The following EPHA6 variants were observed in gnomAD, a reference collection of about 807,000 sequenced individuals.
EPHA6 encodes the protein EPH receptor A6.
EPHA6 carries 50 observed loss-of-function variants against 112.0 expected under a neutral mutation model. That is an observed-to-expected ratio of 0.45 (90% CI 0.36 to 0.56). The LOEUF is 0.56. Ranked by LOEUF, EPHA6 falls within the 20% of genes least tolerant of loss-of-function variation. EPHA6 has a pLI of 0.00. For missense variants in EPHA6, 1,280 were observed against 1,417.4 expected, an observed-to-expected ratio of 0.90 and a Z score of 1.56; for synonymous variants, 529 against 490.7, an observed-to-expected ratio of 1.08 and a Z score of -1.03.
chr3:97,021,181 T>A (rs1179805878), intron 3 of EPHA6, among the ~76,000 whole-genome samples: 2 of 152,212 alleles, frequency 1.3e-5, no homozygotes, highest in Non-Finnish European at 2.9e-5. Flanking sequence ...TAGGTTAAAC[T>A]TGGACTGTAT....
intron 6 of EPHA6, among the ~76,000 whole-genome samples, chr3:97,430,369 G>A (rs2089431536): frequency 6.6e-6 from 1 of 151,962 alleles, no homozygotes; most frequent in Non-Finnish European, 1.5e-5. Flanking sequence ...AGTGATTTTA[G>A]GGGACTAAAA....
chr3:97,302,034 G>A (rs1305346059), intron 5 of EPHA6, among the ~76,000 whole-genome samples: 4 of 151,878 alleles, frequency 2.6e-5, no homozygotes, highest in Admixed American at 1.3e-4. Flanking sequence ...ACTTCTGTTT[G>A]CCAGTTAATG....
At chr3:97,190,384 G>T (rs2077269593) in intron 3 of EPHA6, among the ~76,000 whole-genome samples, 1 of 152,036 alleles carries the variant, frequency 6.6e-6, no homozygotes, top group Non-Finnish European at 1.5e-5. Context: ...TGAGAAGCTG[G>T]TGTAAAAGCA....
Position 97,168,281 on chromosome 3 carries a change from A to G in EPHA6, c.1115-57983A>G, listed in dbSNP as rs904645648. On this transcript the variant is annotated intron_variant, in intron 3 of 17. Transcript: ENST00000389672. ...TTCTAACTCTACAGTTATTTATTCT[A>G]TAACACTTTGATATGGTTTGGCTCT... Among the ~76,000 whole-genome samples, 7 of 152,260 alleles carry G rather than the reference A, an allele frequency of 4.6e-5. No homozygotes were observed. The East Asian group carries it at 7.7e-4, about 17-fold the overall frequency.
intron 1 of EPHA6, among the ~76,000 whole-genome samples, chr3:96,834,904 G>T (rs1420343008): frequency 6.6e-6 from 1 of 151,928 alleles, no homozygotes; most frequent in Non-Finnish European, 1.5e-5. Context: ...TTATGAGCAG[G>T]TGTCCGGCCA....
intron 5 of EPHA6, among the ~76,000 whole-genome samples, chr3:97,288,202 C>G (rs1261084541): frequency 3.3e-5 from 5 of 152,126 alleles, no homozygotes; most frequent in Non-Finnish European, 5.9e-5. Context: ...GAGCATAGCA[C>G]CCAACAGGCA....
intron 11 of EPHA6, among the ~76,000 whole-genome samples, chr3:97,566,451 C>T (rs1412594685): frequency 3.9e-5 from 6 of 152,194 alleles, no homozygotes; most frequent in Non-Finnish European, 7.3e-5. Context: ...AAGAATGTTT[C>T]TGCTAAAAAT....
At chr3:97,214,038 T>TGTGAGAGAGAGA (rs1491420279) in intron 3 of EPHA6, among the ~76,000 whole-genome samples, 12 of 77,844 alleles carry the variant, frequency 1.5e-4, no homozygotes, top group African/African-American at 4.2e-4. Context: ...TGTGTGTGTG[T>TGTGAGAGAGAGA]GAGAGAGAGA....
At chr3:97,477,518 G>A (rs2091411039) in intron 8 of EPHA6, among the ~76,000 whole-genome samples, 1 of 150,690 alleles carries the variant, frequency 6.6e-6, no homozygotes, top group Non-Finnish European at 1.5e-5. Flanking sequence ...AGAGAGAGAG[G>A]AAGTTTCAGT....
intron 5 of EPHA6, among the ~76,000 whole-genome samples, chr3:97,334,866 C>G (rs1485066243): frequency 6.6e-6 from 1 of 151,938 alleles, no homozygotes; most frequent in Non-Finnish European, 1.5e-5. Context: ...TGTCTTTCTC[C>G]CATTGATTTC....
intron 3 of EPHA6, among the ~76,000 whole-genome samples, chr3:97,059,554 A>G (rs886615420): frequency 5.3e-5 from 8 of 151,790 alleles, no homozygotes; most frequent in African/African-American, 1.7e-4. Flanking sequence ...TTCACTTTTC[A>G]CCTATGCATT....
chr3:97,325,298 G>A (rs2108798983), intron 5 of EPHA6, among the ~76,000 whole-genome samples: 1 of 152,246 alleles, frequency 6.6e-6, no homozygotes, highest in African/African-American at 2.4e-5. Context: ...AGAGGTGTGA[G>A]CAAGTTTGGT....
chr3:97,541,341 C>T (rs1181419434), intron 11 of EPHA6, among the ~76,000 whole-genome samples: 1 of 152,022 alleles, frequency 6.6e-6, no homozygotes, highest in Non-Finnish European at 1.5e-5. Context: ...CTAACTTTCC[C>T]CTGTAATTTT....
At chr3:97,125,795 T>C (rs1186854589) in intron 3 of EPHA6, among the ~76,000 whole-genome samples, 3 of 152,214 alleles carry the variant, frequency 2.0e-5, no homozygotes. Flanking sequence ...GCCCAGGAGA[T>C]AGTCTTAAAC....
intron 14 of EPHA6, among the ~76,000 whole-genome samples, chr3:97,650,060 T>C (rs2094096583): frequency 6.6e-6 from 1 of 152,144 alleles, no homozygotes; most frequent in Non-Finnish European, 1.5e-5. Context: ...TCTTAAAAAT[T>C]AGTAGTCTCC....
intron 11 of EPHA6, among the ~76,000 whole-genome samples, chr3:97,556,217 T>A (rs568064600): frequency 2.6e-5 from 4 of 152,072 alleles, no homozygotes; most frequent in Non-Finnish European, 4.4e-5. Context: ...CTCTCTGCCT[T>A]CTGATCAATC....
In EPHA6 at chr3:97,475,230, A is replaced by G. The variant is rs144352114; in HGVS notation, c.1895-122A>G. On this transcript the variant is annotated intron_variant, in intron 7 of 17. Coordinates refer to ENST00000389672, the MANE Select transcript of EPHA6 (RefSeq NM_001080448.3). ...CTTCATACGTGTCAAATACTGAAAT[A>G]AAGGCCAAATATACTGAGCTTGGCA... 1.2e-3 allele frequency: 815 copies of G among 705,060 alleles called. 14 individuals are homozygous for G. The East Asian group carries it at 0.022, about 19-fold the overall frequency. 43.7% of individuals were successfully genotyped at this position (705,060 alleles called of 1,614,324 possible).
chr3:97,107,952 G>C (rs1248874607), intron 3 of EPHA6, among the ~76,000 whole-genome samples: 2 of 152,040 alleles, frequency 1.3e-5, no homozygotes, highest in Non-Finnish European at 2.9e-5. Context: ...AATTATTCTT[G>C]GGTTTTCAAA....
intron 2 of EPHA6, among the ~76,000 whole-genome samples, chr3:96,964,170 A>C (rs1232782092): frequency 6.6e-6 from 1 of 152,076 alleles, no homozygotes; most frequent in Non-Finnish European, 1.5e-5. Context: ...AAGCAATCCA[A>C]GTATGCTCAT....
Sources: gnomAD v4.1 joint callset for allele counts (sites outside exome capture counted in the v4.1 genomes callset) on GRCh38, gnomAD v4.1.1 for gene constraint, MANE v1.5 for transcripts, NCBI Gene and HGNC (gene_info 2026-07-23, HGNC 2026-07-21) for gene names.